The following VIPR2 variants were observed in gnomAD, a reference collection of about 807,000 sequenced individuals.
VIPR2 encodes the protein vasoactive intestinal peptide receptor 2, also known as vasoactive intestinal polypeptide receptor 2.
VIPR2 carries 48 observed loss-of-function variants against 58.0 expected under a neutral mutation model. That is an observed-to-expected ratio of 0.83 (90% CI 0.66 to 1.05). The LOEUF (loss-of-function observed/expected upper bound fraction) is 1.05, where lower values mean the gene tolerates loss of function less well. VIPR2 is among the 50% of genes least tolerant of loss of function. VIPR2 has a pLI of 0.00. For synonymous variants in VIPR2, 243 were observed against 235.2 expected (o/e 1.03, Z -0.30); for missense variants, 534 against 558.0 (o/e 0.96, Z 0.43).
At chr7:159,113,821 T>C (rs964862307) in intron 2 of VIPR2, among the ~76,000 whole-genome samples, 1 of 152,252 alleles carries the variant, frequency 6.6e-6, no homozygotes, top group South Asian at 2.1e-4. Context: ...TCTTTATTCT[T>C]GTTAGAAATC....
chr7:159,133,028 A>ATTGGCATACCGATTGATT (rs1563355752), intron 2 of VIPR2, among the ~76,000 whole-genome samples: 3 of 143,096 alleles, frequency 2.1e-5, no homozygotes, highest in Non-Finnish European at 3.1e-5. Context: ...AGACAGAATG[A>ATTGGCATACCGATTGATT]TTCCAAAAAT....
chr7:159,085,493 A>G (rs1168703569), intron 4 of VIPR2, among the ~76,000 whole-genome samples: 1 of 151,972 alleles, frequency 6.6e-6, no homozygotes, highest in Non-Finnish European at 1.5e-5. Flanking sequence ...ACAGGGTTGC[A>G]CCATGTTGGT....
intron 5 of VIPR2, among the ~76,000 whole-genome samples, chr7:159,046,464 T>C (rs773349612): frequency 1.3e-5 from 2 of 152,152 alleles, no homozygotes; most frequent in Non-Finnish European, 2.9e-5. Flanking sequence ...AGGCCACATA[T>C]TGTATGACGC....
intron 2 of VIPR2, among the ~76,000 whole-genome samples, chr7:159,122,043 C>G (rs752724816): frequency 6.6e-6 from 1 of 152,212 alleles, no homozygotes; most frequent in African/African-American, 2.4e-5. Flanking sequence ...TGCTAGCAAC[C>G]GCACAGGTGA....
Position 159,043,050 on chromosome 7 carries a change from G to T in VIPR2, c.582C>A (p.Asp194Glu), listed in dbSNP as rs747985507. 1.7e-5 allele frequency: 27 copies of T among 1,614,012 alleles called. No individual in the cohort carries two copies. Among genetic ancestry groups the T allele is most frequent in the Non-Finnish European group, 1.9e-5 (23 of 1,179,996 alleles). The stretch of plus-strand genomic sequence containing the variant: ...ACAGCCTTACCCAGGAGGATGGCTG[G>T]TCAGGGCAGTGCAACGTGCCAGAGC... Reference protein sequence around the residue: ...YSSSGTLHCPDQPSSWVGCKL... With the variant: ...YSSSGTLHCPEQPSSWVGCKL... Residue 194 changes from aspartate to glutamate, a missense_variant, in exon 6 of 13, where the codon GAC becomes GAA. This residue lies in a region of VIPR2 where 224 missense variants were observed against 255.7 expected (regional missense o/e 0.88). Coordinates refer to ENST00000262178, the MANE Select transcript of VIPR2 (RefSeq NM_003382.5).
intron 5 of VIPR2, among the ~76,000 whole-genome samples, chr7:159,045,255 T>G (rs1474110681): frequency 6.6e-6 from 1 of 152,176 alleles, no homozygotes; most frequent in African/African-American, 2.4e-5. Flanking sequence ...AAAATGATGA[T>G]CCTGAAGTCA....
chr7:159,048,239 C>T (rs1854769439), intron 5 of VIPR2, among the ~76,000 whole-genome samples: 1 of 152,282 alleles, frequency 6.6e-6, no homozygotes, highest in South Asian at 2.1e-4. Flanking sequence ...TGAGCTGATA[C>T]AAGGGTAAGC....
chr7:159,144,287 C>G, intron 1 of VIPR2: 1 of 1,382,452 alleles, frequency 7.2e-7, no homozygotes, highest in South Asian at 1.7e-5. Context: ...CCCCCCGACA[C>G]TAAAACTAAC....
intron 2 of VIPR2, among the ~76,000 whole-genome samples, chr7:159,126,813 A>G (rs1350270454): frequency 1.3e-5 from 2 of 152,172 alleles, no homozygotes; most frequent in Non-Finnish European, 2.9e-5. Context: ...GGCAGTAATG[A>G]GCATTCGTTT....
intron 5 of VIPR2, among the ~76,000 whole-genome samples, chr7:159,051,362 A>G (rs1854993262): frequency 6.6e-6 from 1 of 152,222 alleles, no homozygotes; most frequent in African/African-American, 2.4e-5. Context: ...AACTCATGAG[A>G]AAAGGATGCC....
chr7:159,079,727 A>G (rs988882902), intron 4 of VIPR2, among the ~76,000 whole-genome samples: 2 of 152,214 alleles, frequency 1.3e-5, no homozygotes, highest in African/African-American at 2.4e-5. Flanking sequence ...TAGCAAGACT[A>G]ATAAAGAAGA....
chr7:159,050,137 G>A (rs1854901312), intron 5 of VIPR2, among the ~76,000 whole-genome samples: 1 of 152,074 alleles, frequency 6.6e-6, no homozygotes, highest in African/African-American at 2.4e-5. Context: ...AGGAGCTTGA[G>A]ACCAGCCTGG....
chr7:159,044,065 GAGAGCTAAGGC>G (rs1344152074), intron 5 of VIPR2, among the ~76,000 whole-genome samples: 1 of 152,216 alleles, frequency 6.6e-6, no homozygotes, highest in African/African-American at 2.4e-5. Flanking sequence ...AGCAGGCAGC[GAGAGCTAAGGC>G]AGAGCTGCAG....
chr7:159,086,824 A>G (rs1178226730), intron 4 of VIPR2, among the ~76,000 whole-genome samples: 1 of 152,234 alleles, frequency 6.6e-6, no homozygotes, highest in African/African-American at 2.4e-5. Flanking sequence ...TACCCATGTA[A>G]TAAACATGGA....
intron 2 of VIPR2, among the ~76,000 whole-genome samples, chr7:159,141,775 T>C (rs1184131860): frequency 6.6e-6 from 1 of 152,238 alleles, no homozygotes; most frequent in Non-Finnish European, 1.5e-5. Flanking sequence ...CAGACTGTTT[T>C]AACACAGATT....
intron 9 of VIPR2, 101 bp from the exon 10 acceptor site, chr7:159,034,405 C>A: frequency 7.4e-7 from 1 of 1,350,062 alleles, no homozygotes; most frequent in Non-Finnish European, 1.0e-6. Context: ...CTCAGTCCCT[C>A]CCTCCTTCCC....
rs758866286 is a variant in VIPR2 at position 159,144,450 on chromosome 7, C to G, written c.51+271G>C. ...GTTGACGCGTCCAGGAAGAAACGAT[C>G]CCGTTTCCAGCAAACCCCGGACGGT... On this transcript the variant is annotated intron_variant, in intron 1 of 12. Transcript: ENST00000262178. The G allele has an allele frequency of 2.2e-4, 333 of 1,544,050 alleles. 2 individuals are homozygous for G. Among genetic ancestry groups the G allele is most frequent in the Middle Eastern group, 1.7e-4 (1 of 5,992 alleles).
intron 4 of VIPR2, among the ~76,000 whole-genome samples, chr7:159,070,567 CAGGCGTTG>C (rs1307199776): frequency 2.0e-5 from 3 of 152,192 alleles, no homozygotes; most frequent in African/African-American, 7.2e-5. Context: ...GACAGCACGT[CAGGCGTTG>C]TGGGAAGCAC....
chr7:159,100,124 C>A (rs555410796), intron 4 of VIPR2, among the ~76,000 whole-genome samples: 42 of 152,288 alleles, frequency 2.8e-4, no homozygotes, highest in Admixed American at 9.1e-4. Flanking sequence ...CCTGCAGGTG[C>A]CTTCAACCCA....
Sources: allele counts gnomAD v4.1 joint callset (sites outside exome capture counted in the v4.1 genomes callset), GRCh38; gene constraint gnomAD v4.1.1; regional missense constraint gnomAD v4.1.1; transcripts MANE v1.5; gene names NCBI Gene and HGNC (gene_info 2026-07-23, HGNC 2026-07-21).